Variants in ALDH1L1 observed in about 807,000 individuals in gnomAD.
ALDH1L1 encodes the protein cytosolic 10-formyltetrahydrofolate dehydrogenase.
In ALDH1L1, 68 loss-of-function variants were observed where a neutral mutation model predicts 101.1. That is an observed-to-expected ratio of 0.67 (90% CI 0.55 to 0.82). The LOEUF (loss-of-function observed/expected upper bound fraction) is 0.82. Among genes scored for constraint, ALDH1L1 ranks in the 40% least tolerant of loss-of-function variants. ALDH1L1 has a pLI of 0.00. For synonymous variants in ALDH1L1, 486 were observed against 470.8 expected, an observed-to-expected ratio of 1.03 and a Z score of -0.42; for missense variants, 1,087 against 1,172.7, an observed-to-expected ratio of 0.93 and a Z score of 1.07.
intron 6 of ALDH1L1, among the ~76,000 whole-genome samples, chr3:126,154,217 G>C (rs2080861648): frequency 6.6e-6 from 1 of 152,200 alleles, no homozygotes. Flanking sequence ...GCTCCACCCT[G>C]CCTGAGGCCA....
intron 8 of ALDH1L1, among the ~76,000 whole-genome samples, chr3:126,148,498 T>A (rs974255688): frequency 2.0e-5 from 3 of 152,140 alleles, no homozygotes; most frequent in Admixed American, 1.3e-4. Flanking sequence ...CCATGTCCCC[T>A]CTATCACATC....
chr3:126,155,591 C>CCCAGACTGA, intron 4 of ALDH1L1, 88 bp from the exon 5 acceptor site: 1 of 1,150,658 alleles, frequency 8.7e-7, no homozygotes, highest in East Asian at 2.6e-5. Context: ...TGGACCCTTC[C>CCCAGACTGA]CCAGACTGAC....
At chr3:126,162,061 G>A (rs1307940321) in intron 1 of ALDH1L1, among the ~76,000 whole-genome samples, 1 of 152,006 alleles carries the variant, frequency 6.6e-6, no homozygotes, top group African/African-American at 2.4e-5. Flanking sequence ...TATTCTCATT[G>A]CTGCAGAGTA....
upstream of ALDH1L1, among the ~76,000 whole-genome samples, chr3:126,186,305 C>G (rs79864698): frequency 6.6e-6 from 1 of 152,222 alleles, no homozygotes; most frequent in East Asian, 1.9e-4. Context: ...AGCAACTGGG[C>G]CTTCTTGGAA....
chr3:126,175,636 G>C (rs547701239), intron 1 of ALDH1L1, among the ~76,000 whole-genome samples: 1 of 152,218 alleles, frequency 6.6e-6, no homozygotes, highest in Admixed American at 6.5e-5. Context: ...CATTTGACAA[G>C]AATCTAACAT....
At chr3:126,189,519 G>A (rs764653453) in intron 1 of ALDH1L1, among the ~76,000 whole-genome samples, 7 of 152,108 alleles carry the variant, frequency 4.6e-5, no homozygotes, top group African/African-American at 7.2e-5. Context: ...CCAAAGCTTG[G>A]CTGCAGTGTG....
chr3:126,122,206 G>A lies in ALDH1L1; in HGVS notation c.1888+2158C>T, dbSNP rs146670665. On this transcript the variant is annotated intron_variant, in intron 16 of 22. Transcript: ENST00000393434. ...ACTAAAAGAAGTTCTTCAAGCTGAA[G>A]GCAAGTGACTACAGACAGTAGTCAG... Among the ~76,000 whole-genome samples, 811 of 152,284 alleles carry A rather than the reference G, an allele frequency of 5.3e-3. 7 individuals are homozygous for A. Among genetic ancestry groups the A allele is most frequent in the African/African-American group, 0.018 (741 of 41,562 alleles).
chr3:126,194,288 T>C (rs143246698), intron 1 of ALDH1L1, among the ~76,000 whole-genome samples: 1 of 152,326 alleles, frequency 6.6e-6, no homozygotes, highest in East Asian at 1.9e-4. Context: ...AGGTTAAACA[T>C]TATTTCTTTG....
chr3:126,155,321 A>G (rs2080882855), intron 5 of ALDH1L1, 81 bp downstream of exon 5: 1 of 1,299,360 alleles, frequency 7.7e-7, no homozygotes, highest in African/African-American at 1.5e-5. Flanking sequence ...TCTGGGCTGA[A>G]CCCCAGCCTC....
At chr3:126,186,835 G>A (rs1477993210) in intron 1 of ALDH1L1, among the ~76,000 whole-genome samples, 1 of 152,192 alleles carries the variant, frequency 6.6e-6, no homozygotes, top group East Asian at 1.9e-4. Flanking sequence ...ATGTTGCTCA[G>A]TGGAGGGAGC....
At chr3:126,147,759 C>T (rs4646720) in intron 8 of ALDH1L1, among the ~76,000 whole-genome samples, 71,272 of 151,884 alleles carry the variant, frequency 0.47, 16,936 homozygotes, top group East Asian at 0.58. Flanking sequence ...AGAACCAGTT[C>T]CCCCAACCCC....
rs147478177 is a variant in ALDH1L1, at chr3:126,120,444, C to A, written c.1889-2346G>T. ...ATAACGATGGAGACAAGAAAAAGAT[C>A]ACTGGTTGCCAGGGATTAGACAGAG... On this transcript the variant is annotated intron_variant, in intron 16 of 22. Transcript: ENST00000393434. 3.2e-3 allele frequency among the ~76,000 whole-genome samples: 484 copies of A among 152,280 alleles called. 3 individuals are homozygous for A. The highest frequency in any genetic ancestry group is 0.011 in the African/African-American group (463 of 41,546).
intron 1 of ALDH1L1, among the ~76,000 whole-genome samples, chr3:126,173,316 G>T (rs756446173): frequency 6.6e-6 from 1 of 152,072 alleles, no homozygotes; most frequent in Non-Finnish European, 1.5e-5. Context: ...TGGGAGGGAG[G>T]AATCAAGAAT....
intron 1 of ALDH1L1, among the ~76,000 whole-genome samples, chr3:126,196,593 C>T (rs1383881992): frequency 1.3e-5 from 2 of 152,148 alleles, no homozygotes; most frequent in Non-Finnish European, 1.5e-5. Context: ...CCAATGGTAA[C>T]CTTACAGATG....
chr3:126,109,816 T>C (rs1946017806), intron 20 of ALDH1L1, 128 bp downstream of exon 20: 2 of 1,346,806 alleles, frequency 1.5e-6, no homozygotes, highest in South Asian at 1.4e-5. Context: ...AGGTCCCAGA[T>C]GGGGCTGCAG....
intron 1 of ALDH1L1, among the ~76,000 whole-genome samples, chr3:126,172,357 G>A (rs984150993): frequency 2.6e-5 from 4 of 151,828 alleles, no homozygotes; most frequent in African/African-American, 9.7e-5. Context: ...GAACAAATTG[G>A]TCATGTAAGC....
chr3:126,170,674 C>T (rs755846312), intron 1 of ALDH1L1, among the ~76,000 whole-genome samples: 4 of 152,172 alleles, frequency 2.6e-5, no homozygotes, highest in Non-Finnish European at 4.4e-5. Context: ...AAGAACATGT[C>T]CCCTCTTGTC....
chr3:126,157,627 G>A, intron 3 of ALDH1L1, 119 bp from the exon 4 acceptor site: 1 of 1,121,108 alleles, frequency 8.9e-7, no homozygotes, highest in Non-Finnish European at 1.3e-6. Context: ...GGGTAGGACT[G>A]ACACCGGCTC....
intron 1 of ALDH1L1, among the ~76,000 whole-genome samples, chr3:126,187,406 CA>C (rs2081526609): frequency 6.6e-6 from 1 of 152,062 alleles, no homozygotes; most frequent in Admixed American, 6.5e-5. Context: ...CATGTTGGTA[CA>C]AGATCCCCCC....
Sources: allele counts gnomAD v4.1 joint callset (sites outside exome capture counted in the v4.1 genomes callset), GRCh38; gene constraint gnomAD v4.1.1; transcripts MANE v1.5; gene names NCBI Gene and HGNC (gene_info 2026-07-23, HGNC 2026-07-21).